Variants in ADAMTSL1 observed in about 807,000 individuals in gnomAD.
ADAMTSL1 encodes the protein ADAMTS-like protein 1.
In ADAMTSL1, 126 loss-of-function variants were observed where a neutral mutation model predicts 201.8. The ratio of observed to expected loss-of-function variants is 0.62; its 90% CI spans 0.54 to 0.72. The LOEUF (loss-of-function observed/expected upper bound fraction) is 0.72. Among genes scored for constraint, ADAMTSL1 ranks in the 30% least tolerant of loss-of-function variants. ADAMTSL1 has a pLI of 0.00. For synonymous variants in ADAMTSL1, 1,121 were observed against 903.4 expected (o/e 1.24, Z -4.32); for missense variants, 2,679 against 2,277.8 (o/e 1.18, Z -3.59).
intron 24 of ADAMTSL1, 45 bp downstream of exon 24, chr9:18,888,088 G>A: frequency 6.4e-7 from 1 of 1,573,296 alleles, no homozygotes; most frequent in Non-Finnish European, 8.7e-7. Context: ...GAACAAGAAA[G>A]CCCACTTGGG....
chr9:18,894,947 G>A (rs1012507195), intron 26 of ADAMTSL1, among the ~76,000 whole-genome samples: 2 of 152,140 alleles, frequency 1.3e-5, no homozygotes, highest in Admixed American at 1.3e-4. Flanking sequence ...CAGTGGAGGA[G>A]CTTTTTCCAG....
chr9:18,728,400 G>A (rs1165288978), intron 15 of ADAMTSL1, among the ~76,000 whole-genome samples: 1 of 151,950 alleles, frequency 6.6e-6, no homozygotes, highest in South Asian at 2.1e-4. Context: ...TAGACCGTTG[G>A]TTAACGTTAA....
intron 21 of ADAMTSL1, among the ~76,000 whole-genome samples, chr9:18,819,425 C>T (rs1489919040): frequency 6.7e-6 from 1 of 149,842 alleles, no homozygotes; most frequent in South Asian, 2.1e-4. Context: ...CACTGCACTC[C>T]AGCCTGGGCA....
At chr9:18,520,948 G>C (rs1004567650) in intron 2 of ADAMTSL1, among the ~76,000 whole-genome samples, 1 of 152,188 alleles carries the variant, frequency 6.6e-6, no homozygotes, top group South Asian at 2.1e-4. Context: ...AGGAGAAAGA[G>C]AGATTTTTTA....
chr9:18,554,636 T>C (rs1334152237), intron 3 of ADAMTSL1, among the ~76,000 whole-genome samples: 1 of 151,322 alleles, frequency 6.6e-6, no homozygotes, highest in Non-Finnish European at 1.5e-5. Context: ...ATAAGCAAGT[T>C]TTCCTTATTA....
chr9:18,270,601 G>A (rs13288027), intron 2 of ADAMTSL1, among the ~76,000 whole-genome samples: 10,125 of 152,182 alleles, frequency 0.067, 382 homozygotes, highest in African/African-American at 0.082. Context: ...AATCCAGTCA[G>A]CCTATTGCCT....
intron 1 of ADAMTSL1, among the ~76,000 whole-genome samples, chr9:17,951,218 T>C (rs1827715681): frequency 6.6e-6 from 1 of 152,184 alleles, no homozygotes; most frequent in Non-Finnish European, 1.5e-5. Context: ...ATTGTGGATC[T>C]GGAAAGGTAA....
chr9:18,257,787 A>T (rs1468065812), intron 2 of ADAMTSL1, among the ~76,000 whole-genome samples: 1 of 152,246 alleles, frequency 6.6e-6, no homozygotes, highest in East Asian at 1.9e-4. Flanking sequence ...AGGCCTAGAC[A>T]TAAAATATTA....
chr9:18,738,061 A>G (rs758877964), intron 15 of ADAMTSL1, among the ~76,000 whole-genome samples: 2 of 152,186 alleles, frequency 1.3e-5, no homozygotes, highest in Non-Finnish European at 2.9e-5. Context: ...TTAAGCATTC[A>G]TGTGAGTTCC....
intron 2 of ADAMTSL1, among the ~76,000 whole-genome samples, chr9:18,186,616 A>G (rs1211754896): frequency 6.6e-6 from 1 of 152,126 alleles, no homozygotes; most frequent in Non-Finnish European, 1.5e-5. Context: ...ATATTTTGTG[A>G]TTGGTTCTGA....
At chr9:18,576,159 T>C (rs1299328862) in intron 4 of ADAMTSL1, among the ~76,000 whole-genome samples, 1 of 152,152 alleles carries the variant, frequency 6.6e-6, no homozygotes, top group Non-Finnish European at 1.5e-5. Context: ...TTGAAAAGCA[T>C]TGTAACTTAT....
intron 1 of ADAMTSL1, among the ~76,000 whole-genome samples, chr9:18,160,667 TTTAATTAA>T (rs67128870): frequency 2.7e-5 from 4 of 150,380 alleles, no homozygotes; most frequent in African/African-American, 9.8e-5. Context: ...TATTTCTTTT[TTTAATTAA>T]TTAATTAATT....
intron 1 of ADAMTSL1, among the ~76,000 whole-genome samples, chr9:17,929,825 C>G (rs1467309128): frequency 2.0e-5 from 3 of 152,116 alleles, no homozygotes; most frequent in East Asian, 3.9e-4. Flanking sequence ...CTTTCTAGCA[C>G]TTGTTTGCAT....
chr9:18,480,174 G>A (rs1821651786), intron 1 of ADAMTSL1, among the ~76,000 whole-genome samples: 1 of 152,148 alleles, frequency 6.6e-6, no homozygotes, highest in African/African-American at 2.4e-5. Flanking sequence ...TCTCATGTTA[G>A]CAGAGACAAT....
intron 1 of ADAMTSL1, among the ~76,000 whole-genome samples, chr9:18,010,124 G>T (rs1194799934): frequency 2.0e-5 from 3 of 151,954 alleles, no homozygotes; most frequent in African/African-American, 7.2e-5. Context: ...TACAGTGACT[G>T]GTTATTCAAA....
intron 2 of ADAMTSL1, among the ~76,000 whole-genome samples, chr9:18,257,461 A>G (rs943590846): frequency 9.8e-5 from 15 of 152,320 alleles, no homozygotes; most frequent in South Asian, 2.1e-4. Flanking sequence ...TAACACAACA[A>G]TGAAATATCA....
intron 3 of ADAMTSL1, among the ~76,000 whole-genome samples, chr9:18,561,158 T>A (rs1461394448): frequency 1.3e-5 from 2 of 152,198 alleles, no homozygotes. Context: ...CACTTTCTCC[T>A]GTGGGCATTT....
chr9:17,921,164 A>G (rs1019845641), intron 1 of ADAMTSL1, among the ~76,000 whole-genome samples: 1 of 152,012 alleles, frequency 6.6e-6, no homozygotes, highest in Non-Finnish European at 1.5e-5. Flanking sequence ...TTTGTTTGTT[A>G]TACTTTCTAA....
At position 18,001,463 on chromosome 9, in the gene ADAMTSL1, T is replaced by C. The variant is rs190812290; in HGVS notation, c.87+94541T>C. Among the ~76,000 whole-genome samples, 51 of 152,076 alleles carry C rather than the reference T, an allele frequency of 3.4e-4. No homozygotes were observed. In the East Asian group the frequency reaches 9.8e-3, roughly 29 times the overall value. ...GTCAGTGGGGAAGTCAGATGTAGAA[T>C]AGGTCATTTTAGGAAAATAAAATTG... On this transcript the variant is annotated intron_variant, in intron 1 of 29. Coordinates refer to the ADAMTSL1 transcript ENST00000680146.
Sources: gnomAD v4.1 joint callset for allele counts (sites outside exome capture counted in the v4.1 genomes callset) on GRCh38, gnomAD v4.1.1 for gene constraint, MANE v1.5 for transcripts, NCBI Gene and HGNC (gene_info 2026-07-23, HGNC 2026-07-21) for gene names.